PPM1H: variants seen among roughly 807,000 people sequenced by gnomAD.
PPM1H encodes protein phosphatase 1H.
In PPM1H, 27 loss-of-function variants were observed where a neutral mutation model predicts 54.9. The ratio of observed to expected loss-of-function variants is 0.49; its 90% CI spans 0.36 to 0.68. The LOEUF (loss-of-function observed/expected upper bound fraction) is 0.68, where lower values mean the gene tolerates loss of function less well. PPM1H is among the 30% of genes least tolerant of loss of function. PPM1H has a pLI of 0.00. For missense variants in PPM1H, 596 were observed against 667.8 expected, an observed-to-expected ratio of 0.89 and a Z score of 1.19; for synonymous variants, 305 against 270.8, an observed-to-expected ratio of 1.13 and a Z score of -1.24.
At chr12:62,663,473 C>T (rs1249310149) in intron 9 of PPM1H, among the ~76,000 whole-genome samples, 1 of 152,144 alleles carries the variant, frequency 6.6e-6, no homozygotes, top group Non-Finnish European at 1.5e-5. Context: ...AGGCATGACC[C>T]ACCATGCCAG....
intron 3 of PPM1H, among the ~76,000 whole-genome samples, chr12:62,790,678 G>C (rs1434729301): frequency 6.6e-6 from 1 of 152,152 alleles, no homozygotes; most frequent in African/African-American, 2.4e-5. Context: ...AAGAGATTGC[G>C]GGAGGGGAAC....
At chr12:62,730,193 T>C (rs993274881) in intron 5 of PPM1H, among the ~76,000 whole-genome samples, 16 of 152,094 alleles carry the variant, frequency 1.1e-4, no homozygotes, top group African/African-American at 3.4e-4. Flanking sequence ...TGCATCCAGG[T>C]GAAATAAACA....
chr12:62,907,203 C>T (rs1464529215), intron 1 of PPM1H, among the ~76,000 whole-genome samples: 1 of 152,200 alleles, frequency 6.6e-6, no homozygotes, highest in Non-Finnish European at 1.5e-5. Flanking sequence ...AATCTAAATG[C>T]TCACTCATGG....
rs144080222 is a variant in PPM1H, at chr12:62,901,462, G to A, written c.245+33030C>T. Among the ~76,000 whole-genome samples, 73 of 152,342 alleles carry A rather than the reference G, an allele frequency of 4.8e-4. 2 individuals carry two copies. In the East Asian group the frequency reaches 0.013, roughly 27 times the overall value. On this transcript the variant is annotated intron_variant, in intron 1 of 9. Coordinates refer to ENST00000228705, the MANE Select transcript of PPM1H (RefSeq NM_020700.2). ...CCAAAGAGAAATGTTGGCAGTTTGT[G>A]CCTTCAGGCAACAGAGGCCTTTTGG...
intron 1 of PPM1H, 99 bp from the exon 2 acceptor site, chr12:62,832,378 A>G (rs1868379857): frequency 8.8e-7 from 1 of 1,136,592 alleles, no homozygotes; most frequent in South Asian, 1.4e-5. Context: ...CAACTGGCCC[A>G]GAACTACAGC....
chr12:62,708,953 T>C (rs543447020), intron 6 of PPM1H, among the ~76,000 whole-genome samples: 1 of 152,318 alleles, frequency 6.6e-6, no homozygotes, highest in South Asian at 2.1e-4. Flanking sequence ...GTAATTTTCA[T>C]ACGTCATATT....
chr12:62,855,069 C>T (rs907349329), intron 1 of PPM1H, among the ~76,000 whole-genome samples: 1 of 152,028 alleles, frequency 6.6e-6, no homozygotes, highest in Non-Finnish European at 1.5e-5. Context: ...TGTTAGAATG[C>T]TCTTGAAAAA....
chr12:62,911,178 C>T (rs1871447826), intron 1 of PPM1H, among the ~76,000 whole-genome samples: 1 of 152,124 alleles, frequency 6.6e-6, no homozygotes, highest in African/African-American at 2.4e-5. Context: ...TATGTGGTCC[C>T]TACACGGCAC....
chr12:62,820,763 A>G (rs2076898293), intron 2 of PPM1H, among the ~76,000 whole-genome samples: 1 of 152,210 alleles, frequency 6.6e-6, no homozygotes, highest in Non-Finnish European at 1.5e-5. Flanking sequence ...CCCCATCTGT[A>G]GGTCACTAGC....
chr12:62,793,097 C>T (rs975724752), intron 3 of PPM1H, among the ~76,000 whole-genome samples: 13 of 152,180 alleles, frequency 8.5e-5, no homozygotes, highest in Middle Eastern at 3.4e-3. Flanking sequence ...AGAATATCTC[C>T]CTATTTTTGC....
intron 7 of PPM1H, 133 bp downstream of exon 7, chr12:62,693,803 G>A (rs2076097252): frequency 2.6e-6 from 2 of 776,532 alleles, no homozygotes; most frequent in East Asian, 5.4e-5. Flanking sequence ...TGATGGATGG[G>A]ATATGCTTTC....
chr12:62,796,344 C>G (rs1339787089), intron 3 of PPM1H, among the ~76,000 whole-genome samples: 1 of 152,166 alleles, frequency 6.6e-6, no homozygotes, highest in Non-Finnish European at 1.5e-5. Flanking sequence ...AGTCCCCCAA[C>G]TGACTCCCAC....
At chr12:62,763,882 C>T (rs2076525291) in intron 4 of PPM1H, among the ~76,000 whole-genome samples, 2 of 152,186 alleles carry the variant, frequency 1.3e-5, no homozygotes, top group South Asian at 4.1e-4. Flanking sequence ...CACCTCCACT[C>T]CTGGTTGCTT....
intron 3 of PPM1H, among the ~76,000 whole-genome samples, chr12:62,800,707 A>C (rs2076762636): frequency 6.6e-6 from 1 of 152,186 alleles, no homozygotes; most frequent in African/African-American, 2.4e-5. Flanking sequence ...ATCCTTAAAT[A>C]TCTCTTATTC....
intron 1 of PPM1H, among the ~76,000 whole-genome samples, chr12:62,860,973 T>C (rs552850601): frequency 1.3e-5 from 2 of 152,280 alleles, no homozygotes; most frequent in Non-Finnish European, 2.9e-5. Context: ...TCAACACTCC[T>C]ATGTGGCAGG....
intron 3 of PPM1H, among the ~76,000 whole-genome samples, chr12:62,794,685 C>T (rs185974692): frequency 2.2e-4 from 34 of 152,242 alleles, no homozygotes; most frequent in Admixed American, 1.4e-3. Flanking sequence ...CTGTAACTAA[C>T]CCTGCAGTGG....
At chr12:62,833,562 T>C (rs563830383) in intron 1 of PPM1H, among the ~76,000 whole-genome samples, 44 of 152,200 alleles carry the variant, frequency 2.9e-4, no homozygotes, top group Admixed American at 1.6e-3. Context: ...TTACATCAAA[T>C]AGCTTTTAGT....
chr12:62,688,204 T>A (rs750287755), intron 8 of PPM1H, among the ~76,000 whole-genome samples: 1 of 152,128 alleles, frequency 6.6e-6, no homozygotes, highest in African/African-American at 2.4e-5. Context: ...TGAATATCTG[T>A]TGGGACAGAG....
chr12:62,847,878 C>T (rs188085466), intron 1 of PPM1H, among the ~76,000 whole-genome samples: 24 of 152,148 alleles, frequency 1.6e-4, no homozygotes, highest in South Asian at 1.2e-3. Flanking sequence ...GCCTGGGATG[C>T]GGAAGGACTC....
Sources: allele counts gnomAD v4.1 joint callset (sites outside exome capture counted in the v4.1 genomes callset), GRCh38; gene constraint gnomAD v4.1.1; transcripts MANE v1.5; gene names NCBI Gene and HGNC (gene_info 2026-07-23, HGNC 2026-07-21).